Variants in TSHZ3 observed in about 807,000 individuals in gnomAD.
The protein encoded by TSHZ3 is teashirt homolog 3.
In TSHZ3, 10 loss-of-function variants were observed where a neutral mutation model predicts 64.5. That is an observed-to-expected ratio of 0.16 (90% CI 0.10 to 0.26). The LOEUF (loss-of-function observed/expected upper bound fraction) is 0.26, where lower values mean the gene tolerates loss of function less well. TSHZ3 is among the 10% of genes least tolerant of loss of function. The pLI is 1.00. For missense variants in TSHZ3, 1,242 were observed against 1,421.7 expected (o/e 0.87, Z 2.03); for synonymous variants, 608 against 593.1 (o/e 1.03, Z -0.36).
At chr19:31,215,405 A>AATGGTATAAGTGTATACAAGAAATATCC (rs1191593263) in intron 4 of TSHZ3, among the ~76,000 whole-genome samples, 7 of 152,240 alleles carry the variant, frequency 4.6e-5, no homozygotes, top group Non-Finnish European at 1.0e-4. Context: ...AAAGAACATC[A>AATGGTATAAGTGTATACAAGAAATATCC]ATGGTATAAG....
rs190535516 is a variant in TSHZ3, at chr19:31,169,963, A to G, written n.810-13546T>C. ...ATGGGTTCTGGCATCTTGGCCACAG[A>G]CAGCAGTCAGCTGTTTTTCATCTGC... On this transcript the variant is annotated intron_variant and non_coding_transcript_variant, in intron 5 of 6. Transcript: ENST00000651361. 2.7e-3 allele frequency among the ~76,000 whole-genome samples: 405 copies of G among 152,280 alleles called. 2 individuals are homozygous for G. The highest frequency in any genetic ancestry group is 9.6e-3 in the African/African-American group (399 of 41,560).
At chr19:31,257,667 C>A (rs34513009) in intron 1 of TSHZ3, among the ~76,000 whole-genome samples, 51,741 of 151,618 alleles carry the variant, frequency 0.34, 13,165 homozygotes, top group African/African-American at 0.71. Context: ...ACAGATTGGC[C>A]GGCTGCACGG....
At chr19:31,165,935 G>A (rs569669895) in intron 5 of TSHZ3, among the ~76,000 whole-genome samples, 1 of 152,300 alleles carries the variant, frequency 6.6e-6, no homozygotes, top group East Asian at 1.9e-4. Flanking sequence ...ATTTAAGATG[G>A]ATGTGCCGAC....
chr19:31,265,406 A>G (rs1271141988), intron 1 of TSHZ3, among the ~76,000 whole-genome samples: 7 of 149,502 alleles, frequency 4.7e-5, no homozygotes, highest in Admixed American at 6.7e-5. Flanking sequence ...TCAAAAAAAA[A>G]AAAAAAAAAA....
chr19:31,183,178 T>TC, intron 5 of TSHZ3, among the ~76,000 whole-genome samples: 1 of 116,540 alleles, frequency 8.6e-6, no homozygotes, highest in East Asian at 2.6e-4. Context: ...TTCTATGAGA[T>TC]TCTCTCTCTC....
intron 4 of TSHZ3, among the ~76,000 whole-genome samples, chr19:31,212,362 G>A (rs1297604188): frequency 6.6e-6 from 1 of 152,130 alleles, no homozygotes; most frequent in East Asian, 1.9e-4. Context: ...GGAGGCTGAG[G>A]CTGGAGAATC....
intron 4 of TSHZ3, among the ~76,000 whole-genome samples, chr19:31,207,109 C>G (rs1975190086): frequency 6.6e-6 from 1 of 152,082 alleles, no homozygotes; most frequent in African/African-American, 2.4e-5. Flanking sequence ...GGCGAGAGAC[C>G]ATTATTGCTG....
chr19:31,186,803 T>C (rs550862768), intron 5 of TSHZ3, among the ~76,000 whole-genome samples: 29 of 152,310 alleles, frequency 1.9e-4, no homozygotes, highest in Admixed American at 1.5e-3. Flanking sequence ...ATTTTCATCC[T>C]CCTTCTGATC....
chr19:31,282,323 C>T (rs1034109175), intron 1 of TSHZ3, among the ~76,000 whole-genome samples: 5 of 152,066 alleles, frequency 3.3e-5, no homozygotes, highest in African/African-American at 9.7e-5. Flanking sequence ...AACCCCACAC[C>T]CTGGGGATTT....
At chr19:31,156,843 C>T (rs886259332) in intron 5 of TSHZ3, among the ~76,000 whole-genome samples, 2 of 152,116 alleles carry the variant, frequency 1.3e-5, no homozygotes, top group Admixed American at 6.5e-5. Flanking sequence ...TTAATCATGA[C>T]CTACAGAATT....
At chr19:31,224,803 A>G (rs1225696474) in intron 4 of TSHZ3, among the ~76,000 whole-genome samples, 1 of 152,254 alleles carries the variant, frequency 6.6e-6, no homozygotes, top group Admixed American at 6.5e-5. Flanking sequence ...TAATATTTTC[A>G]TTTAAAAACT....
At chr19:31,250,971 C>T (rs1975832668) in intron 1 of TSHZ3, among the ~76,000 whole-genome samples, 1 of 152,146 alleles carries the variant, frequency 6.6e-6, no homozygotes, top group South Asian at 2.1e-4. Flanking sequence ...GGGGCAGGCA[C>T]ACCACCCTGC....
intron 1 of TSHZ3, among the ~76,000 whole-genome samples, chr19:31,255,119 G>A (rs766880427): frequency 6.6e-6 from 1 of 152,192 alleles, no homozygotes; most frequent in Non-Finnish European, 1.5e-5. Context: ...CTGGTGACTG[G>A]AGAAGGAAAA....
At chr19:31,164,298 G>A (rs890047315) in intron 5 of TSHZ3, among the ~76,000 whole-genome samples, 2 of 152,180 alleles carry the variant, frequency 1.3e-5, no homozygotes, top group Non-Finnish European at 2.9e-5. Context: ...GGGACGCGCT[G>A]TTGACCTGGA....
In TSHZ3 at chr19:31,277,902, GCTCCTTCATCTTCTCCTCCACTTT is replaced by G; in HGVS notation, c.1867_1890del (p.Lys623_Glu630del). On this transcript the variant is annotated inframe_deletion, in exon 2 of 2. Coordinates refer to ENST00000240587, the MANE Select transcript of TSHZ3 (RefSeq NM_020856.4). The surrounding 1 kb of genome is among the most constrained non-coding windows in gnomAD (Gnocchi z 4.5). ...TTGGGCGGGGAAAGCTTCCCATCCG[GCTCCTTCATCTTCTCCTCCACTTT>G]GGCAACTTTCTCAGTGACCTTTTTC... 2 of 1,613,666 alleles carry G rather than the reference GCTCCTTCATCTTCTCCTCCACTTT, an allele frequency of 1.2e-6. No individual in the cohort carries two copies. The highest frequency in any genetic ancestry group is 2.2e-5 in the South Asian group (2 of 90,942).
At chr19:31,221,073 C>T (rs532267749) in intron 4 of TSHZ3, among the ~76,000 whole-genome samples, 73 of 152,342 alleles carry the variant, frequency 4.8e-4, no homozygotes, top group Middle Eastern at 3.4e-3. Flanking sequence ...TATGTATATT[C>T]ACCCAACATC....
chr19:31,203,989 G>C (rs1051524529), intron 5 of TSHZ3, among the ~76,000 whole-genome samples: 1 of 152,124 alleles, frequency 6.6e-6, no homozygotes, highest in African/African-American at 2.4e-5. Context: ...CATGGCGGAA[G>C]GTGAAGGGGA....
chr19:31,332,877 G>A (rs530269085), intron 1 of TSHZ3, among the ~76,000 whole-genome samples: 142 of 152,102 alleles, frequency 9.3e-4, no homozygotes, highest in Middle Eastern at 6.8e-3. Context: ...AGACCGAGGA[G>A]GGTAGACTGC....
chr19:31,184,749 T>G (rs1974776081), intron 5 of TSHZ3, among the ~76,000 whole-genome samples: 2 of 152,216 alleles, frequency 1.3e-5, no homozygotes, highest in Admixed American at 1.3e-4. Flanking sequence ...TCAGAGCTGA[T>G]GAAGTGGTTT....
Sources: gnomAD v4.1 joint callset for allele counts (sites outside exome capture counted in the v4.1 genomes callset) on GRCh38, gnomAD v4.1.1 for gene constraint, Gnocchi (gnomAD v3.1) non-coding constraint, MANE v1.5 for transcripts, NCBI Gene and HGNC (gene_info 2026-07-23, HGNC 2026-07-21) for gene names.